Variants in ABCF1 observed in about 807,000 individuals in gnomAD.
The protein encoded by ABCF1 is ATP binding cassette subfamily F member 1.
A neutral mutation model predicts 126.3 loss-of-function variants in ABCF1; 73 were observed. The observed-to-expected ratio is 0.58, with a 90% confidence interval of 0.48 to 0.70. The LOEUF (loss-of-function observed/expected upper bound fraction) is 0.70. Ranked by LOEUF, ABCF1 falls within the 30% of genes least tolerant of loss-of-function variation. The pLI, the probability that ABCF1 is intolerant of heterozygous loss-of-function variation, is 0.00. For synonymous variants in ABCF1, 345 were observed against 396.4 expected (o/e 0.87, Z 1.54); for missense variants, 786 against 1,057.5 (o/e 0.74, Z 3.56).
In ABCF1 at chr6:30,578,127, G is replaced by C; in HGVS notation, c.268G>C (p.Asp90His). 6.2e-7 allele frequency: 1 copy of C among 1,614,142 alleles called. No individual in the cohort carries two copies. The highest frequency in any genetic ancestry group is 8.5e-7 in the Non-Finnish European group (1 of 1,180,020). ...AGGCAGGCGGAAGAAGGATGTGGAT[G>C]ATGATGGAGAAGAGAAAGAGCTCAT... Reference protein sequence around the residue: ...RKGRRKKDVDDDGEEKELMER... With the variant: ...RKGRRKKDVDHDGEEKELMER... Residue 90 changes from aspartate (D) to histidine (H), a missense_variant, in exon 4 of 25, where the codon GAT (aspartate) becomes CAT (histidine). Asp to His is a moderately conservative substitution (Grantham distance 81). This residue lies in a region of ABCF1 where 322 missense variants were observed against 322.9 expected (regional missense o/e 1.00). Coordinates refer to ENST00000326195, the MANE Select transcript of ABCF1 (RefSeq NM_001025091.2).
In ABCF1 at chr6:30,590,689, G is replaced by T; in HGVS notation, c.2526G>T (p.Arg842=). The T allele has an allele frequency of 6.5e-7, 1 of 1,543,872 alleles. No homozygotes were observed. Among genetic ancestry groups the T allele is most frequent in the Non-Finnish European group, 8.7e-7 (1 of 1,152,568 alleles). ...CCCTGGGTGAAGTCATGGTCAGCCGGCCCCGAGAGTGAGCTTTCCTTCCCA... is the reference window on the plus strand; with the variant it reads ...CCCTGGGTGAAGTCATGGTCAGCCGTCCCCGAGAGTGAGCTTTCCTTCCCA... ...LEALGEVMVS[R]PRE The change falls in exon 25 of 25, where the codon CGG becomes CGT. Residue 842 remains arginine, a synonymous_variant. Transcript: ENST00000326195.
chr6:30,590,256 A>G lies in ABCF1; in HGVS notation c.2298+43A>G, dbSNP rs762681894. The G allele has an allele frequency of 3.1e-6, 5 of 1,612,626 alleles. No homozygotes were observed. The Admixed American group carries it at 5.0e-5, about 16-fold the overall frequency. On this transcript the variant is annotated intron_variant, in intron 23 of 24. Coordinates refer to ENST00000326195, the MANE Select transcript of ABCF1 (RefSeq NM_001025091.2). Reference sequence around the variant, plus strand: ...TGGGAAAAGGGATAAGGGTAACAGTAATGGAAGACGGGAGTTGCAGTGCTC... The same window carrying G: ...TGGGAAAAGGGATAAGGGTAACAGTGATGGAAGACGGGAGTTGCAGTGCTC...
chr6:30,582,916 C>T (rs1479735499), intron 9 of ABCF1, 150 bp from the exon 10 acceptor site: 13 of 1,077,280 alleles, frequency 1.2e-5, no homozygotes, highest in East Asian at 2.5e-5. Context: ...TGGTCTCAAA[C>T]TCCTGAGCTC....
At chr6:30,572,449 G>GC (rs1453407363) in intron 1 of ABCF1, among the ~76,000 whole-genome samples, 1 of 152,170 alleles carries the variant, frequency 6.6e-6, no homozygotes, top group East Asian at 1.9e-4. Context: ...GAGAGGAGGA[G>GC]CATCTACTCA....
At position 30,586,363 on chromosome 6, in the gene ABCF1, C is replaced by A; in HGVS notation, c.1885+58C>A. The A allele has an allele frequency of 6.2e-7, 1 of 1,602,260 alleles. No homozygotes were observed. The highest frequency in any genetic ancestry group is 8.5e-7 in the Non-Finnish European group (1 of 1,173,228). ...AAGCACCGGAAGCATGTATGTGCAC[C>A]CTAAATTCTCCACCAAGGCTGAGAT... On this transcript the variant is annotated intron_variant, in intron 18 of 24. Coordinates refer to ENST00000326195, the MANE Select transcript of ABCF1 (RefSeq NM_001025091.2). This position sits in a 1 kb window ranked among gnomAD's most constrained non-coding sequence, Gnocchi z 4.9.
At chr6:30,580,637 T>A in intron 8 of ABCF1, 118 bp downstream of exon 8, 2 of 631,572 alleles carry the variant, frequency 3.2e-6, no homozygotes, top group Non-Finnish European at 4.9e-6. Context: ...TTCTTTTCTT[T>A]TTTTGGGGGA....
chr6:30,585,212 C>T, intron 14 of ABCF1, 48 bp from the exon 15 acceptor site: 1 of 1,535,462 alleles, frequency 6.5e-7, no homozygotes, highest in Non-Finnish European at 9.0e-7. Flanking sequence ...GTTGTCTGAG[C>T]AAGGATCTTT....
At chr6:30,577,326 A>C in intron 1 of ABCF1, 83 bp from the exon 2 acceptor site, 1 of 1,275,808 alleles carries the variant, frequency 7.8e-7, no homozygotes, top group African/African-American at 1.5e-5. Context: ...AATAGGATAG[A>C]GGCTACAGAG....
Position 30,586,274 on chromosome 6 carries a change from A to G in ABCF1, c.1854A>G (p.Pro618=). Reference sequence around the variant, plus strand: ...TGCGCTTCACTTTTCCAGACCCCCCACCACTCAGCCCTCCAGTGCTGGGTC... The same window carrying G: ...TGCGCTTCACTTTTCCAGACCCCCCGCCACTCAGCCCTCCAGTGCTGGGTC... ...YTVRFTFPDP[P]PLSPPVLGLH... The change falls in exon 18 of 25, where the codon CCA becomes CCG. Residue 618 remains proline, a synonymous_variant. Coordinates refer to ENST00000326195, the MANE Select transcript of ABCF1 (RefSeq NM_001025091.2). The surrounding 1 kb of genome is among the most constrained non-coding windows in gnomAD (Gnocchi z 4.9). 1.2e-6 allele frequency: 2 copies of G among 1,611,312 alleles called. No homozygotes were observed. The highest frequency in any genetic ancestry group is 1.1e-5 in the South Asian group (1 of 90,852).
chr6:30,589,612 A>T, intron 20 of ABCF1, 76 bp from the exon 21 acceptor site: 1 of 1,544,618 alleles, frequency 6.5e-7, no homozygotes, highest in Admixed American at 2.0e-5. Context: ...CAAAAAAAAA[A>T]AAAAAAAGTT....
chr6:30,571,610 G>C, intron 1 of ABCF1, 50 bp downstream of exon 1: 3 of 1,568,556 alleles, frequency 1.9e-6, no homozygotes, highest in Non-Finnish European at 2.6e-6. Flanking sequence ...AGAGAGAGGA[G>C]ACTGCGCGTG....
rs779361352 is a variant in ABCF1 at position 30,584,280 on chromosome 6, T to G, written c.1191T>G (p.Leu397=). The part of the protein sequence containing the change: ...RLKLLEEERR[L]QGQLEQGDDT... Reference sequence around the variant, plus strand: ...AGCTGCTGGAAGAGGAGCGGCGGCTTCAGGGACAGCTGGAACAAGGGGATG... The same window carrying G: ...AGCTGCTGGAAGAGGAGCGGCGGCTGCAGGGACAGCTGGAACAAGGGGATG... The change falls in exon 13 of 25, where the codon CTT becomes CTG. Residue 397 remains leucine (L), a synonymous_variant. Coordinates refer to ENST00000326195, the MANE Select transcript of ABCF1 (RefSeq NM_001025091.2). This position sits in a 1 kb window ranked among gnomAD's most constrained non-coding sequence, Gnocchi z 4.6. 29 of 1,612,966 alleles carry G rather than the reference T, an allele frequency of 1.8e-5. No individual in the cohort carries two copies. The highest frequency in any genetic ancestry group is 2.4e-5 in the Non-Finnish European group (28 of 1,180,002).
Position 30,590,519 on chromosome 6 carries a change from C to T in ABCF1, c.2372-16C>T. On this transcript the variant is annotated splice_polypyrimidine_tract_variant and intron_variant, in intron 24 of 24. Coordinates refer to ENST00000326195, the MANE Select transcript of ABCF1 (RefSeq NM_001025091.2). ...CCTTTCTTCCTGCCCTCTGTTGTTG[C>T]TATCTTTCTTCAAAGCTGTGATCGT... The T allele has an allele frequency of 1.2e-6, 2 of 1,604,684 alleles. No individual in the cohort carries two copies. Among genetic ancestry groups the T allele is most frequent in the Non-Finnish European group, 1.7e-6 (2 of 1,176,220 alleles).
At position 30,577,453 on chromosome 6, in the gene ABCF1, A is replaced by C. The variant is rs555605919; in HGVS notation, c.118A>C (p.Thr40Pro). The C allele has an allele frequency of 1.9e-5, 30 of 1,613,720 alleles. No homozygotes were observed. The highest frequency in any genetic ancestry group is 2.3e-5 in the Non-Finnish European group (27 of 1,179,784). Residue 40 changes from threonine to proline, a missense_variant and splice_region_variant, in exon 2 of 25, where the codon ACG becomes CCG. By Grantham distance (38) the Thr-to-Pro change is conservative. Around this residue, in one of 4 missense-constraint regions of ABCF1, gnomAD observed 322 missense variants for 322.9 expected, o/e 1.00. Transcript: ENST00000326195. ...KGKKDKKIKKTFFEELAVEDK... is the reference protein window; with the variant it reads ...KGKKDKKIKKPFFEELAVEDK... ...GAAGAAGGACAAGAAGATCAAAAAA[A>C]CGGTGAGAAAATGAGGGTTGAGGAT... is the stretch of plus-strand genomic sequence containing the variant.
In ABCF1 at chr6:30,586,991, C is replaced by T. The variant is rs557200587; in HGVS notation, c.2031+280C>T. ...ATAGAACGATTAAAAATTGCATAAA[C>T]GGGCCAGGCACAGTAGCTCACTCCT... is the stretch of plus-strand genomic sequence containing the variant. On this transcript the variant is annotated intron_variant, in intron 20 of 24. Transcript: ENST00000326195. The surrounding 1 kb of genome is among the most constrained non-coding windows in gnomAD (Gnocchi z 4.9). Among the ~76,000 whole-genome samples, 5 of 152,226 alleles carry T rather than the reference C, an allele frequency of 3.3e-5. No homozygotes were observed. Among genetic ancestry groups the T allele is most frequent in the South Asian group, 2.1e-4 (1 of 4,822 alleles).
In ABCF1 at chr6:30,580,408, T is replaced by C; in HGVS notation, c.567T>C (p.Pro189=). The C allele has an allele frequency of 6.7e-7, 1 of 1,498,186 alleles. No homozygotes were observed. Among genetic ancestry groups the C allele is most frequent in the Non-Finnish European group, 8.9e-7 (1 of 1,122,460 alleles). The allele number at this position is 1,498,186 out of a possible 1,614,324, so 92.8% of individuals were successfully genotyped here. A position where few individuals can be genotyped will look rare whatever the true frequency, so the allele number is the denominator to read the frequency against. Residue 189 remains proline (P), a splice_region_variant and synonymous_variant, in exon 8 of 25, where the codon CCT becomes CCC. Transcript: ENST00000326195. ...CAGACCTGTCTTTTCCCTATTAGCC[T>C]CAAAATAAATTCGCTGCTCTGGACA... ...KEEKSKGKAK[P]QNKFAALDNE... is the part of the protein sequence containing the mutation.
rs1175620239 is a variant in ABCF1 at position 30,574,123 on chromosome 6, A to G, written c.73+2563A>G. On this transcript the variant is annotated intron_variant, in intron 1 of 24. Coordinates refer to ENST00000326195, the MANE Select transcript of ABCF1 (RefSeq NM_001025091.2). The surrounding 1 kb of genome is among the most constrained non-coding windows in gnomAD (Gnocchi z 4.3). ...TGAAGTGGATAAGAGTGATTAAAGT[A>G]CAAAAGATTTTTTTGGTTTTGGTGG... Among the ~76,000 whole-genome samples the G allele has an allele frequency of 6.6e-6, 1 of 151,804 alleles. No homozygotes were observed. The highest frequency in any genetic ancestry group is 1.5e-5 in the Non-Finnish European group (1 of 67,946).
At chr6:30,587,268 T>TG (rs1802195727) in intron 20 of ABCF1, among the ~76,000 whole-genome samples, 1 of 134,594 alleles carries the variant, frequency 7.4e-6, no homozygotes, top group African/African-American at 2.8e-5. Flanking sequence ...AAAAAAAAAT[T>TG]GGCCTGGCGT....
intron 20 of ABCF1, 69 bp from the exon 21 acceptor site, chr6:30,589,619 A>G: frequency 4.8e-6 from 7 of 1,471,908 alleles, no homozygotes; most frequent in Non-Finnish European, 5.6e-6. Context: ...AAAAAAAAAA[A>G]GTTGATGTAT....
Sources: allele counts gnomAD v4.1 joint callset (sites outside exome capture counted in the v4.1 genomes callset), GRCh38; gene constraint gnomAD v4.1.1; regional missense constraint gnomAD v4.1.1; non-coding constraint Gnocchi (gnomAD v3.1); transcripts MANE v1.5; gene names NCBI Gene and HGNC (gene_info 2026-07-23, HGNC 2026-07-21).